Variants in EIF3H observed in about 807,000 individuals in gnomAD.
The protein encoded by EIF3H is eukaryotic translation initiation factor 3 subunit H, also known as eIF-3-gamma.
EIF3H carries 26 observed loss-of-function variants against 44.2 expected under a neutral mutation model. That is an observed-to-expected ratio of 0.59 (90% confidence interval 0.43 to 0.82). The LOEUF is 0.82. EIF3H is among the 40% of genes least tolerant of loss of function. The pLI, the probability that EIF3H is intolerant of heterozygous loss-of-function variation, is 0.00. For missense variants in EIF3H, 359 were observed against 432.8 expected (o/e 0.83, Z 1.51); for synonymous variants, 166 against 151.9 (o/e 1.09, Z -0.68).
intron 5 of EIF3H, among the ~76,000 whole-genome samples, chr8:116,651,813 C>CCTT: frequency 6.6e-6 from 1 of 152,166 alleles, no homozygotes; most frequent in African/African-American, 2.4e-5. Context: ...AGACAACGGT[C>CCTT]AAAGTGCAAT....
intron 2 of EIF3H, among the ~76,000 whole-genome samples, chr8:116,683,484 T>G (rs1814024618): frequency 1.3e-5 from 2 of 152,096 alleles, no homozygotes; most frequent in Admixed American, 1.3e-4. Context: ...TAACCCTAAG[T>G]ACCTCCCCAA....
chr8:116,755,798 C>A lies in EIF3H; in HGVS notation c.-1G>T. The A allele has an allele frequency of 6.2e-7, 1 of 1,613,342 alleles. No homozygotes were observed. The highest frequency in any genetic ancestry group is 8.5e-7 in the Non-Finnish European group (1 of 1,180,022). ...CGGTACCTTCCTTGCGGGACGCCAT[C>A]TTTCCAAGCAGACAGGAAGAAAGAG... On this transcript the variant is annotated 5_prime_UTR_variant, in exon 1 of 8. Coordinates refer to ENST00000521861, the MANE Select transcript of EIF3H (RefSeq NM_003756.3).
At chr8:116,657,383 T>C in intron 3 of EIF3H, 69 bp from the exon 4 acceptor site, 2 of 1,158,034 alleles carry the variant, frequency 1.7e-6, no homozygotes, top group Non-Finnish European at 2.6e-6. Flanking sequence ...GCATTGGTTC[T>C]AGGCACATTC....
At chr8:116,688,290 T>C (rs1356349530) in intron 2 of EIF3H, among the ~76,000 whole-genome samples, 1 of 152,146 alleles carries the variant, frequency 6.6e-6, no homozygotes, top group African/African-American at 2.4e-5. Context: ...GCTAGCTCTA[T>C]AGGACAATTT....
chr8:116,733,132 T>G (rs1203369768), intron 1 of EIF3H, among the ~76,000 whole-genome samples: 1 of 152,172 alleles, frequency 6.6e-6, no homozygotes, highest in Non-Finnish European at 1.5e-5. Flanking sequence ...AGAAACACTT[T>G]ACTTACATTT....
chr8:116,658,636 A>C (rs968606001), intron 3 of EIF3H, 177 bp downstream of exon 3: 19 of 549,730 alleles, frequency 3.5e-5, no homozygotes, highest in African/African-American at 3.3e-4. Context: ...AGCAAGAAAA[A>C]TAAACAGAAA....
chr8:116,730,129 T>C (rs1814927219), intron 1 of EIF3H, among the ~76,000 whole-genome samples: 1 of 152,242 alleles, frequency 6.6e-6, no homozygotes, highest in Non-Finnish European at 1.5e-5. Context: ...CTCAGTTCTT[T>C]AGTTCAAGAA....
At chr8:116,745,294 A>G (rs1230612560) in intron 1 of EIF3H, among the ~76,000 whole-genome samples, 5 of 152,012 alleles carry the variant, frequency 3.3e-5, no homozygotes, top group Admixed American at 6.5e-5. Flanking sequence ...ACTACTAAAA[A>G]TCATATCAAC....
At chr8:116,671,937 C>T (rs1264035707) in intron 2 of EIF3H, among the ~76,000 whole-genome samples, 2 of 152,192 alleles carry the variant, frequency 1.3e-5, no homozygotes, top group Non-Finnish European at 2.9e-5. Flanking sequence ...TCTGCCATTA[C>T]AAATAATAAA....
intron 6 of EIF3H, among the ~76,000 whole-genome samples, chr8:116,648,457 T>C (rs898903194): frequency 3.3e-5 from 5 of 152,208 alleles, no homozygotes; most frequent in African/African-American, 9.7e-5. Context: ...GATTGCTAAC[T>C]ATGCCACAAT....
intron 1 of EIF3H, among the ~76,000 whole-genome samples, chr8:116,752,908 T>A (rs1233159064): frequency 2.6e-5 from 4 of 151,912 alleles, no homozygotes; most frequent in Non-Finnish European, 4.4e-5. Flanking sequence ...AAATTGTATC[T>A]GGGCAAACGT....
intron 2 of EIF3H, among the ~76,000 whole-genome samples, chr8:116,705,765 C>T (rs962236626): frequency 6.6e-6 from 1 of 151,916 alleles, no homozygotes; most frequent in African/African-American, 2.4e-5. Flanking sequence ...TAGAAAAGGA[C>T]GTCACCAGAA....
chr8:116,741,106 CTTTT>C (rs1197905330), intron 1 of EIF3H, among the ~76,000 whole-genome samples: 2 of 151,692 alleles, frequency 1.3e-5, no homozygotes, highest in Non-Finnish European at 2.9e-5. Flanking sequence ...TTTTTTCTAT[CTTTT>C]TTTTAGAATT....
intron 1 of EIF3H, among the ~76,000 whole-genome samples, chr8:116,752,704 GAAAGAAAGAAAGAAAGAA>G (rs1815365031): frequency 7.8e-6 from 1 of 128,544 alleles, no homozygotes; most frequent in Admixed American, 8.2e-5. Context: ...AAGAAAGAAA[GAAAGAAAGAAAGAAAGAA>G]AGAAAGAAAG....
At chr8:116,749,639 G>T (rs1815294896) in intron 1 of EIF3H, among the ~76,000 whole-genome samples, 1 of 151,734 alleles carries the variant, frequency 6.6e-6, no homozygotes, top group Non-Finnish European at 1.5e-5. Context: ...CTTTATTTTT[G>T]TTTTTTTTCT....
intron 2 of EIF3H, among the ~76,000 whole-genome samples, chr8:116,660,065 T>C (rs1377007073): frequency 2.0e-5 from 3 of 151,944 alleles, no homozygotes; most frequent in African/African-American, 4.8e-5. Context: ...TTTTGTATTG[T>C]TTTTTTGTAG....
chr8:116,734,885 A>C (rs921964475), intron 1 of EIF3H, among the ~76,000 whole-genome samples: 48 of 152,244 alleles, frequency 3.2e-4, no homozygotes, highest in African/African-American at 1.1e-3. Context: ...TTAAAATAAC[A>C]TTAAGTAATT....
chr8:116,647,104 GAC>G lies in EIF3H; in HGVS notation c.829-503_829-502del, dbSNP rs528369668. On this transcript the variant is annotated intron_variant, in intron 6 of 7. Transcript: ENST00000521861. The stretch of plus-strand genomic sequence containing the variant: ...TTTTTTCTTTTCTTTTCTTTTTTTT[GAC>G]ACAGAGTCTCATTCTGTCACCCAGG... Among the ~76,000 whole-genome samples, 402 of 143,750 alleles carry G rather than the reference GAC, an allele frequency of 2.8e-3. 1 individual carries two copies. The highest frequency in any genetic ancestry group is 4.5e-3 in the Non-Finnish European group (299 of 65,836). The allele number at this position is 143,750 out of a possible 152,430, so 94.3% of individuals were successfully genotyped here.
At chr8:116,760,750 A>G (rs1448208813), upstream of EIF3H, among the ~76,000 whole-genome samples, 1 of 152,208 alleles carries the variant, frequency 6.6e-6, no homozygotes, top group Non-Finnish European at 1.5e-5. Context: ...AAGCATGTTT[A>G]ATTTCTTGCC....
Sources: allele counts gnomAD v4.1 joint callset (sites outside exome capture counted in the v4.1 genomes callset), GRCh38; gene constraint gnomAD v4.1.1; transcripts MANE v1.5; gene names NCBI Gene and HGNC (gene_info 2026-07-23, HGNC 2026-07-21).